CCDC7: variants seen among roughly 807,000 people sequenced by gnomAD.
The protein encoded by CCDC7 is coiled-coil domain containing 7.
In CCDC7, 183 loss-of-function variants were observed where a neutral mutation model predicts 196.9. The observed-to-expected ratio is 0.93, with a 90% CI of 0.82 to 1.05. CCDC7 has a LOEUF of 1.05. CCDC7 is among the 50% of genes least tolerant of loss of function. CCDC7 has a pLI of 0.00. For synonymous variants in CCDC7, 525 were observed against 484.6 expected, an observed-to-expected ratio of 1.08 and a Z score of -1.10; for missense variants, 1,540 against 1,482.2, an observed-to-expected ratio of 1.04 and a Z score of -0.64.
chr10:32,724,276 C>A (rs2082805679), intron 25 of CCDC7, among the ~76,000 whole-genome samples: 2 of 152,024 alleles, frequency 1.3e-5, no homozygotes, highest in African/African-American at 2.4e-5. Flanking sequence ...TCTAACATCT[C>A]CCAAAAAATT....
chr10:32,699,299 T>C, intron 24 of CCDC7, among the ~76,000 whole-genome samples: 1 of 148,624 alleles, frequency 6.7e-6, no homozygotes, highest in Admixed American at 6.8e-5. Context: ...TGAGAACATG[T>C]GGTGTTTGGT....
chr10:32,873,140 C>G (rs1423841288), intron 41 of CCDC7, among the ~76,000 whole-genome samples: 1 of 152,128 alleles, frequency 6.6e-6, no homozygotes, highest in East Asian at 1.9e-4. Context: ...TGTTTTCCAA[C>G]TTGGTTCCAT....
At chr10:32,853,685 T>C (rs1436761016) in intron 40 of CCDC7, among the ~76,000 whole-genome samples, 1 of 152,188 alleles carries the variant, frequency 6.6e-6, no homozygotes, top group Admixed American at 6.6e-5. Flanking sequence ...TAGTATCTCC[T>C]CCTTAATTAT....
intron 24 of CCDC7, among the ~76,000 whole-genome samples, chr10:32,699,132 C>T (rs1394801798): frequency 1.3e-5 from 2 of 151,912 alleles, no homozygotes; most frequent in Admixed American, 6.6e-5. Context: ...TATACATGTG[C>T]CATGTTGGTG....
At chr10:32,621,454 A>ATCTG (rs563436762) in intron 18 of CCDC7, among the ~76,000 whole-genome samples, 3 of 152,250 alleles carry the variant, frequency 2.0e-5, no homozygotes, top group Non-Finnish European at 4.4e-5. Context: ...AACCAATAGG[A>ATCTG]TCTGTCTGTC....
intron 31 of CCDC7, among the ~76,000 whole-genome samples, chr10:32,816,467 C>G (rs1236767903): frequency 6.6e-6 from 1 of 152,198 alleles, no homozygotes; most frequent in Non-Finnish European, 1.5e-5. Flanking sequence ...ATGTCCCTGT[C>G]TGACAGCTTT....
At chr10:32,653,615 C>T (rs537785572) in intron 20 of CCDC7, among the ~76,000 whole-genome samples, 2 of 152,282 alleles carry the variant, frequency 1.3e-5, no homozygotes, top group African/African-American at 2.4e-5. Flanking sequence ...CTTCCTCCAT[C>T]TTGCTCTGGT....
Position 32,744,149 on chromosome 10 carries a change from G to GA in CCDC7, c.2905+14702dup, listed in dbSNP as rs879608097. On this transcript the variant is annotated intron_variant, in intron 28 of 41. Transcript: ENST00000639629. Reference sequence around the variant, plus strand: ...ACTTAAAGTATAATTTAAAAAAAAAGAAAAAAAAAAGAAAATAACATGGCC... The same window carrying GA: ...ACTTAAAGTATAATTTAAAAAAAAAGAAAAAAAAAAAGAAAATAACATGGCC... 4.0e-3 allele frequency among the ~76,000 whole-genome samples: 544 copies of GA among 136,402 alleles called. 1 individual carries two copies. Among genetic ancestry groups the GA allele is most frequent in the African/African-American group, 7.7e-3 (289 of 37,644 alleles). 89.5% of individuals were successfully genotyped at this position (136,402 alleles called of 152,430 possible).
intron 18 of CCDC7, among the ~76,000 whole-genome samples, chr10:32,602,020 C>G (rs1182334406): frequency 6.6e-6 from 1 of 152,170 alleles, no homozygotes; most frequent in Non-Finnish European, 1.5e-5. Flanking sequence ...CCCTTCCACA[C>G]TGTGGAAGCT....
chr10:32,523,905 AT>A (rs1383156592), intron 11 of CCDC7, among the ~76,000 whole-genome samples: 5 of 150,562 alleles, frequency 3.3e-5, no homozygotes, highest in Non-Finnish European at 7.4e-5. Flanking sequence ...GCAACAAATT[AT>A]TGGTTCTTGT....
At chr10:32,699,429 A>G (rs1420651402) in intron 24 of CCDC7, among the ~76,000 whole-genome samples, 2 of 151,596 alleles carry the variant, frequency 1.3e-5, no homozygotes, top group African/African-American at 4.9e-5. Context: ...TATATGTGCC[A>G]CATTTTCTTA....
intron 25 of CCDC7, among the ~76,000 whole-genome samples, chr10:32,724,785 G>C (rs956494384): frequency 6.6e-6 from 1 of 152,074 alleles, no homozygotes; most frequent in Non-Finnish European, 1.5e-5. Flanking sequence ...CCAAATGGAG[G>C]GTTCCTGAGC....
At chr10:32,820,833 T>C (rs868301549) in intron 31 of CCDC7, among the ~76,000 whole-genome samples, 296 of 150,712 alleles carry the variant, frequency 2.0e-3, no homozygotes, top group South Asian at 5.3e-3. Flanking sequence ...GATTAAAGAC[T>C]TAAATGTTAG....
intron 9 of CCDC7, among the ~76,000 whole-genome samples, chr10:32,511,020 C>T (rs1277032575): frequency 6.6e-6 from 1 of 151,252 alleles, no homozygotes; most frequent in Non-Finnish European, 1.5e-5. Flanking sequence ...TTAAATTTCA[C>T]AGCTGCTTAT....
chr10:32,723,318 G>A (rs915091429), intron 25 of CCDC7, among the ~76,000 whole-genome samples: 3 of 152,038 alleles, frequency 2.0e-5, no homozygotes, highest in Non-Finnish European at 4.4e-5. Context: ...TTCTGATACC[G>A]ATTTGTCATC....
chr10:32,649,450 G>A (rs1440098492), intron 20 of CCDC7, among the ~76,000 whole-genome samples: 2 of 152,150 alleles, frequency 1.3e-5, no homozygotes, highest in African/African-American at 2.4e-5. Context: ...TGCCTCTAAG[G>A]ATTTTTCTTT....
chr10:32,675,576 T>G (rs2074806396), intron 21 of CCDC7: 2 of 152,378 alleles, frequency 1.3e-5, no homozygotes, highest in African/African-American at 4.8e-5. Context: ...CATTATTTTC[T>G]GATTATCAAT....
intron 18 of CCDC7, among the ~76,000 whole-genome samples, chr10:32,607,010 G>A (rs1564809953): frequency 6.6e-6 from 1 of 152,180 alleles, no homozygotes; most frequent in East Asian, 1.9e-4. Flanking sequence ...AGTTGGAGAT[G>A]GGGCCTGGTG....
chr10:32,858,759 A>G (rs1006709989), intron 41 of CCDC7, among the ~76,000 whole-genome samples: 4 of 152,188 alleles, frequency 2.6e-5, no homozygotes, highest in African/African-American at 9.6e-5. Context: ...AAAAAAAACC[A>G]GGGATTGCAA....
Sources: gnomAD v4.1 joint callset for allele counts (sites outside exome capture counted in the v4.1 genomes callset) on GRCh38, gnomAD v4.1.1 for gene constraint, MANE v1.5 for transcripts, NCBI Gene and HGNC (gene_info 2026-07-23, HGNC 2026-07-21) for gene names.